Variants in DZIP1L observed in about 807,000 individuals in gnomAD.
The protein encoded by DZIP1L is cilium assembly protein DZIP1L.
Under a neutral mutation model 88.7 loss-of-function variants are expected in DZIP1L, and 90 were observed. The ratio of observed to expected loss-of-function variants is 1.02; its 90% CI spans 0.86 to 1.21. DZIP1L has a LOEUF of 1.21. DZIP1L is among the 50% of genes most tolerant of loss of function. The pLI is 0.00. For synonymous variants in DZIP1L, 363 were observed against 372.1 expected (o/e 0.98, Z 0.28); for missense variants, 932 against 955.8 (o/e 0.98, Z 0.33).
At chr3:138,096,651 G>C (rs1944480927) in intron 3 of DZIP1L, among the ~76,000 whole-genome samples, 1 of 151,962 alleles carries the variant, frequency 6.6e-6, no homozygotes, top group Non-Finnish European at 1.5e-5. Context: ...TTCTATACCA[G>C]AGACATATTT....
intron 7 of DZIP1L, among the ~76,000 whole-genome samples, chr3:138,085,330 T>C (rs551661396): frequency 3.9e-5 from 6 of 151,978 alleles, no homozygotes; most frequent in South Asian, 4.2e-4. Flanking sequence ...ACCTACAAAA[T>C]GGGAGAAAAT....
intron 10 of DZIP1L, 71 bp from the exon 11 acceptor site, chr3:138,077,703 C>G: frequency 6.3e-7 from 1 of 1,578,044 alleles, no homozygotes; most frequent in South Asian, 1.1e-5. Context: ...CCTACTGCAC[C>G]TGCCGAGCCC....
intron 9 of DZIP1L, among the ~76,000 whole-genome samples, chr3:138,081,120 A>G (rs1218354794): frequency 6.6e-6 from 1 of 152,176 alleles, no homozygotes; most frequent in Non-Finnish European, 1.5e-5. Context: ...AAGAAAAGGC[A>G]GAAGTGTAGC....
chr3:138,100,865 C>CCATGGAGACACTTCCATACTTG (rs1175781846), intron 2 of DZIP1L, among the ~76,000 whole-genome samples: 1 of 152,214 alleles, frequency 6.6e-6, no homozygotes, highest in Non-Finnish European at 1.5e-5. Flanking sequence ...ATCCATACTT[C>CCATGGAGACACTTCCATACTTG]CATGGAGACA....
chr3:138,086,265 AT>A (rs1943932141), intron 7 of DZIP1L, among the ~76,000 whole-genome samples: 1 of 151,118 alleles, frequency 6.6e-6, no homozygotes, highest in African/African-American at 2.4e-5. Context: ...AATAATAATA[AT>A]TAAAAAAAAA....
intron 10 of DZIP1L, among the ~76,000 whole-genome samples, chr3:138,078,494 C>T (rs918508690): frequency 2.6e-5 from 4 of 152,202 alleles, no homozygotes; most frequent in Non-Finnish European, 4.4e-5. Flanking sequence ...TGGACCCCAA[C>T]GCTTGATATT....
chr3:138,079,422 G>C lies in DZIP1L; in HGVS notation c.1288+1145C>G, dbSNP rs561136177. Among the ~76,000 whole-genome samples the C allele has an allele frequency of 4.6e-5, 7 of 152,346 alleles. No individual in the cohort carries two copies. In the South Asian group the frequency reaches 1.4e-3, roughly 32 times the overall value. On this transcript the variant is annotated intron_variant, in intron 10 of 15. Coordinates refer to ENST00000327532, the MANE Select transcript of DZIP1L (RefSeq NM_173543.3). Reference sequence around the variant, plus strand: ...TAAATTTTAGTTCATCCATCTAAGGGAAGACTGCAAAGCCCTGAAAAAATA... The same window carrying C: ...TAAATTTTAGTTCATCCATCTAAGGCAAGACTGCAAAGCCCTGAAAAAATA...
chr3:138,074,997 G>C (rs1943339116), intron 11 of DZIP1L, among the ~76,000 whole-genome samples: 1 of 152,162 alleles, frequency 6.6e-6, no homozygotes, highest in Non-Finnish European at 1.5e-5. Flanking sequence ...GCGAGCAGGA[G>C]TAGCTATTCT....
At chr3:138,106,249 C>T (rs185816744) in intron 1 of DZIP1L, among the ~76,000 whole-genome samples, 426 of 146,320 alleles carry the variant, frequency 2.9e-3, no homozygotes, top group Non-Finnish European at 3.5e-3. Flanking sequence ...TGCAATTCTC[C>T]TGCCTCAGCC....
At chr3:138,093,799 A>G (rs942447914) in intron 4 of DZIP1L, among the ~76,000 whole-genome samples, 1 of 152,198 alleles carries the variant, frequency 6.6e-6, no homozygotes, top group African/African-American at 2.4e-5. Flanking sequence ...AGAAGTGAAG[A>G]GAGTTAGGTC....
chr3:138,092,552 G>C lies in DZIP1L; in HGVS notation c.709-8C>G. On this transcript the variant is annotated splice_region_variant and splice_polypyrimidine_tract_variant and intron_variant, in intron 4 of 15. Coordinates refer to ENST00000327532, the MANE Select transcript of DZIP1L (RefSeq NM_173543.3). ...ATGAATGAGCTCTGCTTCCTAAAAAGAAGAGCAAGAACAATATGATGATTA... is the reference window on the plus strand; with the variant it reads ...ATGAATGAGCTCTGCTTCCTAAAAACAAGAGCAAGAACAATATGATGATTA... 4 of 1,557,452 alleles carry C rather than the reference G, an allele frequency of 2.6e-6. No individual in the cohort carries two copies. In the South Asian group the frequency reaches 5.1e-5, roughly 20 times the overall value.
chr3:138,084,495 G>A (rs1943831840), intron 7 of DZIP1L, among the ~76,000 whole-genome samples: 1 of 152,228 alleles, frequency 6.6e-6, no homozygotes. Context: ...GCCACCCATT[G>A]AAGAACAGTC....
Position 138,071,783 on chromosome 3 carries a change from CT to C in DZIP1L, c.1474del (p.Arg492GlufsTer15). The C allele has an allele frequency of 6.2e-7, 1 of 1,614,196 alleles. No homozygotes were observed. The highest frequency in any genetic ancestry group is 8.5e-7 in the Non-Finnish European group (1 of 1,180,022). ...QTLRHLESLL[R>X]VQREQKARKF... ...CCGGGCCTTCTGCTCCCGCTGGACT[CT>C]CAGCAGGGATTCCAGGTGTCTGAGA... On this transcript the variant is annotated frameshift_variant, in exon 12 of 16. Coordinates refer to ENST00000327532, the MANE Select transcript of DZIP1L (RefSeq NM_173543.3). LOFTEE classifies it high-confidence loss of function.
Position 138,092,499 on chromosome 3 carries a change from A to G in DZIP1L, c.754T>C (p.Phe252Leu). 6.2e-7 allele frequency: 1 copy of G among 1,603,200 alleles called. No individual in the cohort carries two copies. The highest frequency in any genetic ancestry group is 8.5e-7 in the Non-Finnish European group (1 of 1,176,868). ...HQREIEAKKE[F>L]DKWKEQEWTK... ...CACTCTTGCTCTTTCCATTTATCAA[A>G]TTCTTTCTTAGCTTCTATTTCCCTC... The change falls in exon 5 of 16, where the codon TTT becomes CTT. Residue 252 changes from phenylalanine to leucine, a missense_variant. Transcript: ENST00000327532.
chr3:138,091,903 C>G (rs1391042808), intron 5 of DZIP1L, among the ~76,000 whole-genome samples: 1 of 151,902 alleles, frequency 6.6e-6, no homozygotes, highest in Non-Finnish European at 1.5e-5. Flanking sequence ...CTCTGAAGAC[C>G]CCAACAGAAT....
intron 12 of DZIP1L, among the ~76,000 whole-genome samples, chr3:138,069,647 G>A (rs897909694): frequency 6.6e-6 from 1 of 152,074 alleles, no homozygotes; most frequent in Non-Finnish European, 1.5e-5. Context: ...CAACCACTTG[G>A]CCCCCGAGCA....
chr3:138,092,475 A>C lies in DZIP1L; in HGVS notation c.778T>G (p.Trp260Gly). The C allele has an allele frequency of 6.2e-7, 1 of 1,603,872 alleles. No individual in the cohort carries two copies. The highest frequency in any genetic ancestry group is 8.5e-7 in the Non-Finnish European group (1 of 1,176,696). Residue 260 changes from tryptophan to glycine, a missense_variant, in exon 5 of 16, where the codon TGG becomes GGG. Transcript: ENST00000327532. Reference protein sequence around the residue: ...KEFDKWKEQEWTKLYGEIDKL... With the variant: ...KEFDKWKEQEGTKLYGEIDKL... ...TCTATTTCCCCATAAAGTTTGGTCCACTCTTGCTCTTTCCATTTATCAAAT... is the reference window on the plus strand; with the variant it reads ...TCTATTTCCCCATAAAGTTTGGTCCCCTCTTGCTCTTTCCATTTATCAAAT...
intron 2 of DZIP1L, chr3:138,102,585 G>C (rs910263769): frequency 6.8e-7 from 1 of 1,460,064 alleles, no homozygotes; most frequent in Non-Finnish European, 9.6e-7. Flanking sequence ...GCTGCTCCAG[G>C]AACCATACCT....
intron 7 of DZIP1L, among the ~76,000 whole-genome samples, chr3:138,086,312 C>T (rs1171334331): frequency 2.7e-5 from 4 of 150,792 alleles, no homozygotes; most frequent in African/African-American, 9.7e-5. Flanking sequence ...AAAACCATCA[C>T]ATGTGAGTGA....
Sources: allele counts gnomAD v4.1 joint callset (sites outside exome capture counted in the v4.1 genomes callset), GRCh38; gene constraint gnomAD v4.1.1; transcripts MANE v1.5; gene names NCBI Gene and HGNC (gene_info 2026-07-23, HGNC 2026-07-21).